ZDHHC14: variants seen among roughly 807,000 people sequenced by gnomAD.
ZDHHC14 encodes the protein zDHHC palmitoyltransferase 14, also known as palmitoyltransferase ZDHHC14.
In ZDHHC14, 16 loss-of-function variants were observed where a neutral mutation model predicts 47.7. That is an observed-to-expected ratio of 0.34 (90% CI 0.23 to 0.51). The LOEUF (loss-of-function observed/expected upper bound fraction) is 0.51. Among genes scored for constraint, ZDHHC14 ranks in the 20% least tolerant of loss-of-function variants. The pLI is 0.97. For synonymous variants in ZDHHC14, 293 were observed against 278.9 expected, an observed-to-expected ratio of 1.05 and a Z score of -0.50; for missense variants, 515 against 662.5, an observed-to-expected ratio of 0.78 and a Z score of 2.44.
At chr6:157,540,021 G>A (rs376079421) in intron 1 of ZDHHC14, among the ~76,000 whole-genome samples, 3 of 152,276 alleles carry the variant, frequency 2.0e-5, no homozygotes, top group South Asian at 2.1e-4. Context: ...GAGGCATTTC[G>A]GATCCATACC....
intron 1 of ZDHHC14, among the ~76,000 whole-genome samples, chr6:157,541,883 A>G (rs777655345): frequency 2.7e-4 from 41 of 152,196 alleles, no homozygotes; most frequent in Non-Finnish European, 1.5e-4. Flanking sequence ...AGCAGTGAAA[A>G]GGTCGAGTTA....
chr6:157,670,074 A>AGT (rs1778726726), intron 8 of ZDHHC14, among the ~76,000 whole-genome samples: 1 of 152,084 alleles, frequency 6.6e-6, no homozygotes, highest in Non-Finnish European at 1.5e-5. Context: ...AGCATGGGAG[A>AGT]GCGCCCGCAG....
intron 1 of ZDHHC14, among the ~76,000 whole-genome samples, chr6:157,443,413 G>A (rs537984865): frequency 4.6e-5 from 7 of 152,080 alleles, no homozygotes; most frequent in East Asian, 1.9e-4. Context: ...GGCAGCACCC[G>A]GGGTGATCCT....
At position 157,527,276 on chromosome 6, in the gene ZDHHC14, C is replaced by G. The variant is rs562626618; in HGVS notation, c.246-15309C>G. On this transcript the variant is annotated intron_variant, in intron 1 of 8. Transcript: ENST00000359775. ...CAGACTTGGGCACCTCCCATCGACT[C>G]CAGGAGCTCCCCAGCTCCTGTTTCT... is the stretch of plus-strand genomic sequence containing the variant. 1.1e-4 allele frequency among the ~76,000 whole-genome samples: 16 copies of G among 152,280 alleles called. No individual in the cohort carries two copies. In the South Asian group the frequency reaches 3.3e-3, roughly 32 times the overall value.
intron 2 of ZDHHC14, among the ~76,000 whole-genome samples, chr6:157,556,210 C>T (rs1046606036): frequency 7.2e-6 from 1 of 138,826 alleles, no homozygotes; most frequent in Non-Finnish European, 1.5e-5. Flanking sequence ...ACAAGGCAGG[C>T]GTCAGCAGGC....
chr6:157,579,933 A>G (rs1293164890), intron 2 of ZDHHC14, among the ~76,000 whole-genome samples: 1 of 152,062 alleles, frequency 6.6e-6, no homozygotes, highest in African/African-American at 2.4e-5. Flanking sequence ...GTTGAATAGG[A>G]GTGGTAAGAG....
intron 1 of ZDHHC14, among the ~76,000 whole-genome samples, chr6:157,455,078 T>C (rs1406399536): frequency 6.6e-6 from 1 of 152,218 alleles, no homozygotes; most frequent in Non-Finnish European, 1.5e-5. Context: ...GGCCTGATGT[T>C]TCCTGGGAGG....
At chr6:157,570,137 G>A (rs564282854) in intron 2 of ZDHHC14, among the ~76,000 whole-genome samples, 4 of 152,246 alleles carry the variant, frequency 2.6e-5, no homozygotes, top group Middle Eastern at 3.4e-3. Flanking sequence ...GCACCAGTCC[G>A]GTGTAGAATG....
chr6:157,484,085 T>C (rs1333331974), intron 1 of ZDHHC14, among the ~76,000 whole-genome samples: 1 of 150,936 alleles, frequency 6.6e-6, no homozygotes, highest in Non-Finnish European at 1.5e-5. Flanking sequence ...AAGTGGGAGC[T>C]AAACAATGAG....
At chr6:157,555,407 A>C (rs1483486427) in intron 2 of ZDHHC14, among the ~76,000 whole-genome samples, 3 of 152,214 alleles carry the variant, frequency 2.0e-5, no homozygotes, top group Admixed American at 1.3e-4. Flanking sequence ...TGGTGACTAC[A>C]AAGAGAATTC....
intron 3 of ZDHHC14, among the ~76,000 whole-genome samples, chr6:157,610,702 C>G (rs1461383959): frequency 6.6e-6 from 1 of 152,180 alleles, no homozygotes; most frequent in African/African-American, 2.4e-5. Context: ...CCATGTTGTC[C>G]GAGCTCTCAT....
chr6:157,624,745 T>A (rs1325238424), intron 3 of ZDHHC14, among the ~76,000 whole-genome samples: 1 of 152,228 alleles, frequency 6.6e-6, no homozygotes, highest in Non-Finnish European at 1.5e-5. Flanking sequence ...GATGAGAGTG[T>A]ATTCAGTTAC....
At chr6:157,602,510 G>A (rs969522809) in intron 3 of ZDHHC14, among the ~76,000 whole-genome samples, 18 of 124,730 alleles carry the variant, frequency 1.4e-4, no homozygotes, top group African/African-American at 5.1e-4. Flanking sequence ...AAAAAAAAAC[G>A]CATTCAGTGC....
chr6:157,578,857 A>G (rs913450916), intron 2 of ZDHHC14, among the ~76,000 whole-genome samples: 3 of 152,144 alleles, frequency 2.0e-5, no homozygotes, highest in Non-Finnish European at 4.4e-5. Context: ...GAGTCAATTA[A>G]ACCTCTTTCC....
At chr6:157,615,786 A>AG in intron 3 of ZDHHC14, among the ~76,000 whole-genome samples, 1 of 102,140 alleles carries the variant, frequency 9.8e-6, no homozygotes, top group Non-Finnish European at 1.9e-5. Flanking sequence ...AGCTGACTGC[A>AG]TTTTTGTTTT....
intron 1 of ZDHHC14, among the ~76,000 whole-genome samples, chr6:157,539,109 GTATGAGGT>G (rs1202323271): frequency 6.6e-6 from 1 of 152,084 alleles, no homozygotes; most frequent in Non-Finnish European, 1.5e-5. Context: ...TGGTAGGCAG[GTATGAGGT>G]CACTGTTCTA....
intron 1 of ZDHHC14, among the ~76,000 whole-genome samples, chr6:157,429,307 G>T (rs1203534174): frequency 6.6e-6 from 1 of 152,168 alleles, no homozygotes; most frequent in African/African-American, 2.4e-5. Flanking sequence ...GGAAAATAGA[G>T]TACGTCTCCT....
At chr6:157,598,767 A>G (rs895992661) in intron 3 of ZDHHC14, among the ~76,000 whole-genome samples, 2 of 152,244 alleles carry the variant, frequency 1.3e-5, no homozygotes, top group African/African-American at 4.8e-5. Context: ...GTGTATAAGT[A>G]TAATAAATGT....
chr6:157,428,123 AG>A (rs1778259606), intron 1 of ZDHHC14, among the ~76,000 whole-genome samples: 2 of 152,182 alleles, frequency 1.3e-5, no homozygotes, highest in South Asian at 4.1e-4. Context: ...ACTGTTGAGA[AG>A]GGGAGGAGAG....
Sources: gnomAD v4.1 joint callset for allele counts (sites outside exome capture counted in the v4.1 genomes callset) on GRCh38, gnomAD v4.1.1 for gene constraint, MANE v1.5 for transcripts, NCBI Gene and HGNC (gene_info 2026-07-23, HGNC 2026-07-21) for gene names.